FEZ1: variants seen among roughly 807,000 people sequenced by gnomAD.
The protein encoded by FEZ1 is fasciculation and elongation protein zeta-1.
Under a neutral mutation model 49.3 loss-of-function variants are expected in FEZ1, and 20 were observed. The observed-to-expected ratio is 0.41, with a 90% confidence interval of 0.29 to 0.59. The LOEUF (loss-of-function observed/expected upper bound fraction) is 0.59. Among genes scored for constraint, FEZ1 ranks in the 20% least tolerant of loss-of-function variants. The pLI, the probability that FEZ1 is intolerant of heterozygous loss-of-function variation, is 0.36. For synonymous variants in FEZ1, 170 were observed against 180.9 expected, an observed-to-expected ratio of 0.94 and a Z score of 0.48; for missense variants, 413 against 476.0, an observed-to-expected ratio of 0.87 and a Z score of 1.23.
At chr11:125,457,443 T>TGTATATATACAC (rs1957025403) in intron 5 of FEZ1, among the ~76,000 whole-genome samples, 7 of 74,288 alleles carry the variant, frequency 9.4e-5, no homozygotes, top group African/African-American at 2.9e-4. Context: ...TATATATATA[T>TGTATATATACAC]ATATATATGT....
At chr11:125,484,299 T>G (rs1327980560) in intron 2 of FEZ1, among the ~76,000 whole-genome samples, 3 of 152,192 alleles carry the variant, frequency 2.0e-5, no homozygotes, top group East Asian at 3.9e-4. Context: ...AATTGAAACA[T>G]AGTGAATTTA....
intron 3 of FEZ1, among the ~76,000 whole-genome samples, chr11:125,468,234 A>G (rs539030532): frequency 3.3e-5 from 5 of 152,140 alleles, no homozygotes; most frequent in South Asian, 4.1e-4. Context: ...CTGGAGTCCA[A>G]TGACATGATC....
chr11:125,460,677 T>A lies in FEZ1; in HGVS notation c.499-11A>T. 6.2e-7 allele frequency: 1 copy of A among 1,612,418 alleles called. No homozygotes were observed. Among genetic ancestry groups the A allele is most frequent in the Non-Finnish European group, 8.5e-7 (1 of 1,179,594 alleles). On this transcript the variant is annotated splice_polypyrimidine_tract_variant and intron_variant, in intron 4 of 9. Coordinates refer to ENST00000278919, the MANE Select transcript of FEZ1 (RefSeq NM_005103.5). ...AATCTCCTCAATTACCTGAAGAAGG[T>A]ACACGAGAGAGTGCTAACTCTGTTC...
intron 3 of FEZ1, among the ~76,000 whole-genome samples, chr11:125,474,281 A>T (rs1457159172): frequency 6.9e-6 from 1 of 145,918 alleles, no homozygotes; most frequent in Non-Finnish European, 1.5e-5. Context: ...CTCGTGATCC[A>T]CCCACCTTGG....
In FEZ1 at chr11:125,478,374, G is replaced by A. The variant is rs138230198; in HGVS notation, c.411+3160C>T. On this transcript the variant is annotated intron_variant, in intron 3 of 9. Coordinates refer to ENST00000278919, the MANE Select transcript of FEZ1 (RefSeq NM_005103.5). ...GGAGAATTGCTTGAACCTGGGAGGC[G>A]GAGGTTGCAGTGAGCCAAGATCGCG... Among the ~76,000 whole-genome samples, 202 of 152,242 alleles carry A rather than the reference G, an allele frequency of 1.3e-3. 1 individual carries two copies. Among genetic ancestry groups the A allele is most frequent in the African/African-American group, 4.5e-3 (187 of 41,552 alleles).
In FEZ1 at chr11:125,445,408, G is replaced by C. The variant is rs1158120325; in HGVS notation, c.*687C>G. 6.6e-6 allele frequency among the ~76,000 whole-genome samples: 1 copy of C among 152,194 alleles called. No individual in the cohort carries two copies. Among genetic ancestry groups the C allele is most frequent in the African/African-American group, 2.4e-5 (1 of 41,454 alleles). Reference sequence around the variant, plus strand: ...CCCACCAGGAGATCTGCAGCTGTGTGGCTCCTCCATGAGGCCCACTTTCTA... The same window carrying C: ...CCCACCAGGAGATCTGCAGCTGTGTCGCTCCTCCATGAGGCCCACTTTCTA... On this transcript the variant is annotated 3_prime_UTR_variant, in exon 10 of 10. Transcript: ENST00000278919. This position sits in a 1 kb window ranked among gnomAD's most constrained non-coding sequence, Gnocchi z 4.4.
At chr11:125,462,047 A>T (rs1277299543) in intron 4 of FEZ1, among the ~76,000 whole-genome samples, 1 of 152,194 alleles carries the variant, frequency 6.6e-6, no homozygotes, top group Non-Finnish European at 1.5e-5. Context: ...TCACAAGAAT[A>T]GCTATTAGCC....
Position 125,446,046 on chromosome 11 carries a change from G to A in FEZ1, c.*49C>T. The A allele has an allele frequency of 6.3e-7, 1 of 1,579,954 alleles. No homozygotes were observed. Among genetic ancestry groups the A allele is most frequent in the Non-Finnish European group, 8.7e-7 (1 of 1,149,018 alleles). On this transcript the variant is annotated 3_prime_UTR_variant, in exon 10 of 10. Coordinates refer to ENST00000278919, the MANE Select transcript of FEZ1 (RefSeq NM_005103.5). ...TCTCATGCAGTCCCTGTGATGGAATGACTCTTGCTCAGTGACCTCCTGCAG... is the reference window on the plus strand; with the variant it reads ...TCTCATGCAGTCCCTGTGATGGAATAACTCTTGCTCAGTGACCTCCTGCAG...
At chr11:125,459,684 C>T (rs2135749075) in intron 5 of FEZ1, among the ~76,000 whole-genome samples, 1 of 152,338 alleles carries the variant, frequency 6.6e-6, no homozygotes, top group African/African-American at 2.4e-5. Flanking sequence ...AAGGAAATCT[C>T]ATTTCTAATC....
In FEZ1 at chr11:125,457,719, A is replaced by G. The variant is rs556138668; in HGVS notation, c.668-1613T>C. ...TGCAGACATGCAATGCATAATAATC[A>G]CATCATGGAGAATGAGGTATCCACT... On this transcript the variant is annotated intron_variant, in intron 5 of 9. Transcript: ENST00000278919. 1.5e-4 allele frequency among the ~76,000 whole-genome samples: 23 copies of G among 152,042 alleles called. No individual in the cohort carries two copies. The East Asian group carries it at 4.3e-3, about 28-fold the overall frequency.
chr11:125,463,576 G>C lies in FEZ1; in HGVS notation c.412-6C>G. The C allele has an allele frequency of 6.3e-7, 1 of 1,577,196 alleles. No homozygotes were observed. The highest frequency in any genetic ancestry group is 8.7e-7 in the Non-Finnish European group (1 of 1,146,566). ...TCCTCTTCTTTCTCATGGATCTGGA[G>C]AGGAGGTGGGGAGATGGAATTCTGG... On this transcript the variant is annotated splice_region_variant and splice_polypyrimidine_tract_variant and intron_variant, in intron 3 of 9. Transcript: ENST00000278919.
intron 3 of FEZ1, among the ~76,000 whole-genome samples, chr11:125,476,692 C>T (rs1957236730): frequency 1.3e-5 from 2 of 152,062 alleles, no homozygotes; most frequent in Non-Finnish European, 2.9e-5. Context: ...ACAGAGTCAG[C>T]CTAAAAAGAA....
intron 5 of FEZ1, 136 bp downstream of exon 5, chr11:125,460,362 T>A (rs1270881695): frequency 3.0e-6 from 2 of 669,696 alleles, no homozygotes; most frequent in Non-Finnish European, 4.8e-6. Context: ...AGAAAGGTAT[T>A]GCTGACCACC....
In FEZ1 at chr11:125,460,452, G is replaced by A. The variant is rs201425669; in HGVS notation, c.667+46C>T. ...AGCACACAGCCCAGAGCCTGGCCCCGAGCAGGTGCTTCCTCCTCGGCCAGC... is the reference window on the plus strand; with the variant it reads ...AGCACACAGCCCAGAGCCTGGCCCCAAGCAGGTGCTTCCTCCTCGGCCAGC... On this transcript the variant is annotated intron_variant, in intron 5 of 9. Coordinates refer to ENST00000278919, the MANE Select transcript of FEZ1 (RefSeq NM_005103.5). 4.9e-4 allele frequency: 776 copies of A among 1,575,220 alleles called. 1 individual carries two copies. Among genetic ancestry groups the A allele is most frequent in the Middle Eastern group, 1.0e-3 (5 of 5,012 alleles).
At chr11:125,468,994 T>G (rs1957159363) in intron 3 of FEZ1, 1 of 152,054 alleles carries the variant, frequency 6.6e-6, no homozygotes, top group South Asian at 2.1e-4. Context: ...AAAGTGAGGG[T>G]GAGGGTTCTC....
chr11:125,467,506 C>G (rs1200170622), intron 3 of FEZ1, among the ~76,000 whole-genome samples: 1 of 152,190 alleles, frequency 6.6e-6, no homozygotes, highest in African/African-American at 2.4e-5. Context: ...GTACTATCAT[C>G]TAGATTCAGT....
At chr11:125,446,164 G>C in intron 9 of FEZ1, 53 bp from the exon 10 acceptor site, 1 of 1,595,438 alleles carries the variant, frequency 6.3e-7, no homozygotes, top group South Asian at 1.1e-5. Context: ...TGCAGGTGGG[G>C]ACCTCCGAGC....
intron 2 of FEZ1, among the ~76,000 whole-genome samples, chr11:125,485,936 ACT>A (rs1366243579): frequency 5.3e-5 from 8 of 152,182 alleles, no homozygotes; most frequent in Admixed American, 1.3e-4. Flanking sequence ...ACAGAGTGAG[ACT>A]CTGTCTCAAA....
At chr11:125,465,914 G>A (rs1166850518) in intron 3 of FEZ1, among the ~76,000 whole-genome samples, 2 of 152,082 alleles carry the variant, frequency 1.3e-5, no homozygotes, top group Non-Finnish European at 2.9e-5. Flanking sequence ...TACGGGCACT[G>A]TTTACAGACT....
Sources: gnomAD v4.1 joint callset for allele counts (sites outside exome capture counted in the v4.1 genomes callset) on GRCh38, gnomAD v4.1.1 for gene constraint, Gnocchi (gnomAD v3.1) non-coding constraint, MANE v1.5 for transcripts, NCBI Gene and HGNC (gene_info 2026-07-23, HGNC 2026-07-21) for gene names.